The following TRPM3 variants were observed in gnomAD, a reference collection of about 807,000 sequenced individuals.
TRPM3 encodes long transient receptor potential channel 3.
A neutral mutation model predicts 181.2 loss-of-function variants in TRPM3; 77 were observed. The ratio of observed to expected loss-of-function variants is 0.42; its 90% CI spans 0.35 to 0.51. The LOEUF (loss-of-function observed/expected upper bound fraction) is 0.51. Among genes scored for constraint, TRPM3 ranks in the 20% least tolerant of loss-of-function variants. The pLI, the probability that TRPM3 is intolerant of heterozygous loss-of-function variation, is 0.01. For synonymous variants in TRPM3, 745 were observed against 796.4 expected (o/e 0.94, Z 1.09); for missense variants, 1,759 against 2,196.7 (o/e 0.80, Z 3.98).
At chr9:70,998,600 C>T (rs760916428) in intron 1 of TRPM3, among the ~76,000 whole-genome samples, 1 of 152,130 alleles carries the variant, frequency 6.6e-6, no homozygotes, top group Non-Finnish European at 1.5e-5. Flanking sequence ...ATTAAAGTAT[C>T]ATACAGGGTA....
intron 1 of TRPM3, among the ~76,000 whole-genome samples, chr9:70,908,764 T>A (rs1271747687): frequency 6.6e-6 from 1 of 152,182 alleles, no homozygotes; most frequent in African/African-American, 2.4e-5. Context: ...AGTGTGGCAG[T>A]GTCACAAAAA....
rs556235679 is a variant in TRPM3, at chr9:70,891,261, T to C, written c.178-26750A>G. On this transcript the variant is annotated intron_variant, in intron 1 of 25. Transcript: ENST00000677713. ...AGTCATAGAAAATAAAAACACTGAATACTGAAAAATTGAAAAAAATAATTG... is the reference window on the plus strand; with the variant it reads ...AGTCATAGAAAATAAAAACACTGAACACTGAAAAATTGAAAAAAATAATTG... 4.3e-4 allele frequency among the ~76,000 whole-genome samples: 65 copies of C among 152,204 alleles called. No individual in the cohort carries two copies. The South Asian group carries it at 4.8e-3, about 11-fold the overall frequency.
intron 1 of TRPM3, among the ~76,000 whole-genome samples, chr9:71,294,752 G>A (rs2086113491): frequency 2.6e-5 from 4 of 152,106 alleles, no homozygotes. Flanking sequence ...CAAGATGACA[G>A]AGCATTAAAT....
intron 1 of TRPM3, among the ~76,000 whole-genome samples, chr9:71,258,817 T>C (rs1213817636): frequency 1.3e-5 from 2 of 152,212 alleles, no homozygotes; most frequent in Non-Finnish European, 2.9e-5. Flanking sequence ...GTTGCCCTCT[T>C]AAAAGTTATA....
intron 1 of TRPM3, among the ~76,000 whole-genome samples, chr9:71,348,644 A>C (rs1489206032): frequency 1.3e-5 from 2 of 151,776 alleles, no homozygotes; most frequent in African/African-American, 4.8e-5. Context: ...ATCTCCGCTC[A>C]CTGCAGCCTC....
At chr9:70,848,350 T>C (rs1441798068) in intron 3 of TRPM3, among the ~76,000 whole-genome samples, 1 of 151,698 alleles carries the variant, frequency 6.6e-6, no homozygotes, top group African/African-American at 2.4e-5. Flanking sequence ...GAAAGGAAAA[T>C]AAAGGAGCTT....
chr9:71,333,737 C>T (rs562484786), intron 1 of TRPM3, among the ~76,000 whole-genome samples: 2 of 151,962 alleles, frequency 1.3e-5, no homozygotes, highest in African/African-American at 4.8e-5. Context: ...TTATGCTACA[C>T]CTGGATTCCT....
intron 1 of TRPM3, among the ~76,000 whole-genome samples, chr9:71,374,534 C>T (rs908124857): frequency 3.3e-5 from 5 of 152,126 alleles, no homozygotes; most frequent in South Asian, 4.1e-4. Context: ...CGAGAACCAG[C>T]ACAAGACAAG....
At chr9:71,020,438 ACTGCACTCAGCC>A (rs2097837225) in intron 1 of TRPM3, among the ~76,000 whole-genome samples, 1 of 151,932 alleles carries the variant, frequency 6.6e-6, no homozygotes. Context: ...TGTCTGTGCC[ACTGCACTCAGCC>A]TAGGTGACAG....
intron 7 of TRPM3, among the ~76,000 whole-genome samples, chr9:70,771,204 C>T (rs1439165543): frequency 6.6e-6 from 1 of 152,052 alleles, no homozygotes; most frequent in Non-Finnish European, 1.5e-5. Flanking sequence ...TCTGTATGTT[C>T]TAGAGAAGGC....
intron 1 of TRPM3, among the ~76,000 whole-genome samples, chr9:71,337,265 G>A: frequency 6.6e-6 from 1 of 152,046 alleles, no homozygotes; most frequent in African/African-American, 2.4e-5. Flanking sequence ...TCAAAAAATG[G>A]GCAAAGGATA....
chr9:71,225,777 C>T (rs977355256), intron 1 of TRPM3, among the ~76,000 whole-genome samples: 3 of 151,920 alleles, frequency 2.0e-5, no homozygotes, highest in Admixed American at 6.6e-5. Flanking sequence ...CTGCCTCAGC[C>T]TCCCTAGTAG....
intron 21 of TRPM3, among the ~76,000 whole-genome samples, chr9:70,592,585 T>C (rs182091692): frequency 7.7e-4 from 118 of 152,294 alleles, no homozygotes; most frequent in Admixed American, 2.1e-3. Flanking sequence ...TTGGTTTCTA[T>C]CGCTTGCATC....
intron 1 of TRPM3, among the ~76,000 whole-genome samples, chr9:71,238,137 GTT>G (rs111714974): frequency 2.0e-5 from 3 of 151,952 alleles, no homozygotes; most frequent in African/African-American, 7.2e-5. Context: ...CTAAAAAGTA[GTT>G]TTTTTTCTAT....
At chr9:70,630,591 T>C (rs2065639186) in intron 12 of TRPM3, among the ~76,000 whole-genome samples, 1 of 152,212 alleles carries the variant, frequency 6.6e-6, no homozygotes. Flanking sequence ...CCTTTTCAAA[T>C]TAGAAGTCAA....
chr9:70,849,066 TATAGATA>T (rs376917072), intron 3 of TRPM3, among the ~76,000 whole-genome samples: 56 of 152,218 alleles, frequency 3.7e-4, no homozygotes, highest in African/African-American at 1.3e-3. Flanking sequence ...GAGAGCAGAT[TATAGATA>T]TTTTCATACT....
intron 1 of TRPM3, among the ~76,000 whole-genome samples, chr9:71,046,410 C>T (rs2059446235): frequency 6.6e-6 from 1 of 152,118 alleles, no homozygotes; most frequent in Non-Finnish European, 1.5e-5. Context: ...ATTTTGTGAA[C>T]TTTTAAATAA....
rs933132752 is a variant in TRPM3 at position 70,534,990 on chromosome 9, C to A, written c.*963G>T. 5.2e-5 allele frequency: 8 copies of A among 152,814 alleles called. No individual in the cohort carries two copies. Among genetic ancestry groups the A allele is most frequent in the African/African-American group, 2.0e-4 (8 of 40,304 alleles). The allele number at this position is 152,814 out of a possible 1,614,324, so 9.5% of individuals were successfully genotyped here. A position where few individuals can be genotyped will look rare whatever the true frequency, so the allele number is the denominator to read the frequency against. ...CAACACACGACATGAACGGTGAGAA[C>A]AGAACATCCCACATGGCAATTTCAG... On this transcript the variant is annotated 3_prime_UTR_variant, in exon 26 of 26. Coordinates refer to ENST00000677713, the MANE Select transcript of TRPM3 (RefSeq NM_001366145.2).
intron 1 of TRPM3, among the ~76,000 whole-genome samples, chr9:70,870,671 G>T (rs1319927841): frequency 6.6e-6 from 1 of 151,976 alleles, no homozygotes; most frequent in African/African-American, 2.4e-5. Flanking sequence ...CATGCCATTT[G>T]GTGGTGATAA....
Sources: gnomAD v4.1 joint callset for allele counts (sites outside exome capture counted in the v4.1 genomes callset) on GRCh38, gnomAD v4.1.1 for gene constraint, MANE v1.5 for transcripts, NCBI Gene and HGNC (gene_info 2026-07-23, HGNC 2026-07-21) for gene names.